ARMC9: variants seen among roughly 807,000 people sequenced by gnomAD.
ARMC9 encodes the protein armadillo repeat containing 9, also known as lisH domain-containing protein ARMC9.
ARMC9 carries 94 observed loss-of-function variants against 107.0 expected under a neutral mutation model. That is an observed-to-expected ratio of 0.88 (90% CI 0.74 to 1.04). The LOEUF (loss-of-function observed/expected upper bound fraction) is 1.04, where lower values mean the gene tolerates loss of function less well. Ranked by LOEUF, ARMC9 falls within the 50% of genes least tolerant of loss-of-function variation. ARMC9 has a pLI of 0.00. For missense variants in ARMC9, 942 were observed against 1,030.1 expected, an observed-to-expected ratio of 0.91 and a Z score of 1.17; for synonymous variants, 380 against 396.9, an observed-to-expected ratio of 0.96 and a Z score of 0.51.
chr2:231,296,102 A>G, intron 18 of ARMC9, 96 bp from the exon 19 acceptor site: 1 of 839,208 alleles, frequency 1.2e-6, no homozygotes, highest in Non-Finnish European at 1.9e-6. Context: ...CCTCATTCTC[A>G]TTAAGGTGTT....
intron 1 of ARMC9, among the ~76,000 whole-genome samples, chr2:231,205,989 A>G (rs1295429227): frequency 6.6e-6 from 1 of 152,190 alleles, no homozygotes; most frequent in Non-Finnish European, 1.5e-5. Context: ...ATCCAGGATC[A>G]TCCCCCAATT....
At chr2:231,272,325 C>T (rs867985449) in intron 13 of ARMC9, among the ~76,000 whole-genome samples, 13 of 151,082 alleles carry the variant, frequency 8.6e-5, no homozygotes, top group African/African-American at 2.2e-4. Flanking sequence ...CCCCAATTAG[C>T]GGGATCAACA....
At chr2:231,258,370 G>A (rs1320225538) in intron 10 of ARMC9, among the ~76,000 whole-genome samples, 4 of 151,844 alleles carry the variant, frequency 2.6e-5, no homozygotes, top group Non-Finnish European at 4.4e-5. Context: ...TAGTAGAGAC[G>A]GGGTTTCACC....
At chr2:231,302,285 A>G (rs1267971784) in intron 19 of ARMC9, among the ~76,000 whole-genome samples, 1 of 151,892 alleles carries the variant, frequency 6.6e-6, no homozygotes, top group Non-Finnish European at 1.5e-5. Flanking sequence ...TTAAATGAGA[A>G]CTTAAATATG....
chr2:231,206,405 C>G, intron 2 of ARMC9, 116 bp downstream of exon 2: 2 of 822,282 alleles, frequency 2.4e-6, no homozygotes, highest in Non-Finnish European at 3.7e-6. Context: ...TATGTTGGAG[C>G]TATTTTTCTA....
At chr2:231,222,251 G>A (rs1295392168) in intron 5 of ARMC9, among the ~76,000 whole-genome samples, 1 of 152,116 alleles carries the variant, frequency 6.6e-6, no homozygotes, top group African/African-American at 2.4e-5. Context: ...TTCTTGACAT[G>A]GTGGGGTATT....
chr2:231,336,123 A>G (rs2044072936), intron 20 of ARMC9, among the ~76,000 whole-genome samples: 1 of 151,998 alleles, frequency 6.6e-6, no homozygotes, highest in South Asian at 2.1e-4. Flanking sequence ...ATAGAAAACA[A>G]TTCTTCTTAA....
chr2:231,288,383 T>G (rs1214862257), intron 17 of ARMC9, among the ~76,000 whole-genome samples: 2 of 152,200 alleles, frequency 1.3e-5, no homozygotes, highest in Non-Finnish European at 1.5e-5. Context: ...TTATGTTGTT[T>G]GCAAGTTTTC....
intron 14 of ARMC9, among the ~76,000 whole-genome samples, chr2:231,273,357 G>T (rs2039499879): frequency 6.6e-6 from 1 of 152,224 alleles, no homozygotes; most frequent in African/African-American, 2.4e-5. Flanking sequence ...CATGTGCAGG[G>T]CTTAGAGACA....
chr2:231,232,481 C>T (rs1464968707), intron 7 of ARMC9, among the ~76,000 whole-genome samples: 1 of 147,470 alleles, frequency 6.8e-6, no homozygotes, highest in Non-Finnish European at 1.5e-5. Context: ...GACGGAGTTT[C>T]GCTCTTGTTG....
At chr2:231,316,167 T>C (rs1238988661) in intron 19 of ARMC9, among the ~76,000 whole-genome samples, 2 of 79,060 alleles carry the variant, frequency 2.5e-5, no homozygotes, top group Non-Finnish European at 6.6e-5. Context: ...TGTATGTGTG[T>C]GTGTGTGTGT....
intron 3 of ARMC9, among the ~76,000 whole-genome samples, chr2:231,210,679 C>G (rs1479815169): frequency 6.6e-6 from 1 of 152,218 alleles, no homozygotes; most frequent in Non-Finnish European, 1.5e-5. Flanking sequence ...TGTACACTTT[C>G]CGCAACTGGT....
rs748033626 is a variant in ARMC9 at position 231,256,619 on chromosome 2, G to A, written c.913G>A (p.Val305Met). The change falls in exon 10 of 25, where the codon GTG (valine) becomes ATG (methionine). Residue 305 changes from valine to methionine, a missense_variant and splice_region_variant. Coordinates refer to ENST00000611582, the MANE Select transcript of ARMC9 (RefSeq NM_001352754.2). ...CATGTTACGAGCCTCCTTGGCACCC[G>A]TGTAAGTAACTGCTCTTAGGAATTT... is the stretch of plus-strand genomic sequence containing the variant. ...STMLRASLAP[V>M]KLKDVPLLPS... 4.3e-6 allele frequency: 7 copies of A among 1,613,880 alleles called. No homozygotes were observed. In the Admixed American group the frequency reaches 6.7e-5, roughly 15 times the overall value.
intron 19 of ARMC9, among the ~76,000 whole-genome samples, chr2:231,311,696 G>C (rs2042358856): frequency 1.3e-5 from 2 of 150,574 alleles, no homozygotes; most frequent in African/African-American, 4.9e-5. Context: ...CTTGAATCCG[G>C]GAGGTGGAGT....
chr2:231,333,338 C>G (rs889954267), intron 20 of ARMC9, among the ~76,000 whole-genome samples: 1 of 152,226 alleles, frequency 6.6e-6, no homozygotes, highest in African/African-American at 2.4e-5. Flanking sequence ...ATATCCACTA[C>G]ATTTTCACTC....
At chr2:231,337,808 G>A (rs755175359) in intron 20 of ARMC9, among the ~76,000 whole-genome samples, 7 of 152,078 alleles carry the variant, frequency 4.6e-5, no homozygotes, top group East Asian at 1.9e-4. Flanking sequence ...AATCCTTTTC[G>A]TTTGCCATTT....
In ARMC9 at chr2:231,216,669, A is replaced by G; in HGVS notation, c.380A>G (p.Tyr127Cys). The G allele has an allele frequency of 1.2e-6, 2 of 1,613,792 alleles. No individual in the cohort carries two copies. The highest frequency in any genetic ancestry group is 1.1e-5 in the South Asian group (1 of 91,050). ...GAGGAGCTGGATGAAAAGATTTCCT[A>G]CTTCAAAACCTACCTGGAGACCAAA... ...DKEELDEKIS[Y>C]FKTYLETKGA... Residue 127 changes from tyrosine to cysteine, a missense_variant, in exon 5 of 25, where the codon TAC becomes TGC. Transcript: ENST00000611582.
At chr2:231,318,503 T>A (rs1008178242) in intron 19 of ARMC9, among the ~76,000 whole-genome samples, 1 of 152,212 alleles carries the variant, frequency 6.6e-6, no homozygotes, top group African/African-American at 2.4e-5. Context: ...TTAACCTCTG[T>A]AGCCCTCTTG....
chr2:231,346,857 A>G (rs540498424), intron 21 of ARMC9, among the ~76,000 whole-genome samples: 38 of 152,286 alleles, frequency 2.5e-4, no homozygotes, highest in African/African-American at 8.7e-4. Context: ...TAAATATAAT[A>G]CCTTTTTAAA....
Sources: gnomAD v4.1 joint callset for allele counts (sites outside exome capture counted in the v4.1 genomes callset) on GRCh38, gnomAD v4.1.1 for gene constraint, MANE v1.5 for transcripts, NCBI Gene and HGNC (gene_info 2026-07-23, HGNC 2026-07-21) for gene names.